Variants in RIMS2 observed in about 807,000 individuals in gnomAD.
RIMS2 encodes the protein regulating synaptic membrane exocytosis protein 2.
RIMS2 carries 59 observed loss-of-function variants against 174.4 expected under a neutral mutation model. The observed-to-expected ratio is 0.34, with a 90% CI of 0.27 to 0.42. The LOEUF is 0.42. RIMS2 is among the 10% of genes least tolerant of loss of function. The pLI, the probability that RIMS2 is intolerant of heterozygous loss-of-function variation, is 1.00. For missense variants in RIMS2, 1,620 were observed against 1,666.3 expected (o/e 0.97, Z 0.48); for synonymous variants, 606 against 572.5 (o/e 1.06, Z -0.84).
chr8:103,725,274 T>G (rs1443701444), intron 2 of RIMS2, among the ~76,000 whole-genome samples: 1 of 152,148 alleles, frequency 6.6e-6, no homozygotes, highest in African/African-American at 2.4e-5. Flanking sequence ...AGAATTTAAG[T>G]ATAGTTTGAC....
chr8:103,970,412 G>T (rs2092730219), intron 15 of RIMS2, among the ~76,000 whole-genome samples: 1 of 152,154 alleles, frequency 6.6e-6, no homozygotes, highest in African/African-American at 2.4e-5. Context: ...GAAAAGTAGG[G>T]CATTCTGGAG....
intron 19 of RIMS2, among the ~76,000 whole-genome samples, chr8:104,122,428 C>T (rs13268255): frequency 0.22 from 33,556 of 151,872 alleles, 3,848 homozygotes; most frequent in South Asian, 0.31. Context: ...TGATCTTATA[C>T]AAAGCAGTTC....
intron 19 of RIMS2, among the ~76,000 whole-genome samples, chr8:104,058,251 G>A (rs1227689238): frequency 6.7e-6 from 1 of 149,552 alleles, no homozygotes; most frequent in Non-Finnish European, 1.5e-5. Context: ...ACTTTTTAAT[G>A]ATTGCCATTC....
exon 6 of RIMS2, chr8:103,912,140 C>T (rs771772891): frequency 1.2e-6 from 2 of 1,606,890 alleles, no homozygotes; most frequent in Non-Finnish European, 8.5e-7. Context: ...TGGAAGTGTA[C>T]CTCGAGATTC....
At chr8:104,007,223 TG>T (rs1483448140) in intron 17 of RIMS2, among the ~76,000 whole-genome samples, 1 of 152,200 alleles carries the variant, frequency 6.6e-6, no homozygotes, top group Non-Finnish European at 1.5e-5. Context: ...TATTGTGATT[TG>T]TAATGTTTAT....
At chr8:103,870,792 G>T (rs569822554) in intron 3 of RIMS2, among the ~76,000 whole-genome samples, 1 of 151,872 alleles carries the variant, frequency 6.6e-6, no homozygotes, top group East Asian at 1.9e-4. Flanking sequence ...TTCCTACTTG[G>T]ATTATTGGAA....
chr8:103,864,326 C>T (rs1016765341), intron 3 of RIMS2, among the ~76,000 whole-genome samples: 6 of 152,010 alleles, frequency 3.9e-5, no homozygotes, highest in Non-Finnish European at 8.8e-5. Flanking sequence ...TGTACACTTT[C>T]CTCTTAACAT....
intron 3 of RIMS2, among the ~76,000 whole-genome samples, chr8:103,770,274 G>A (rs2154427311): frequency 6.6e-6 from 1 of 152,192 alleles, no homozygotes; most frequent in African/African-American, 2.4e-5. Flanking sequence ...GACCATATGG[G>A]TCTCAAAACT....
At chr8:104,234,347 A>G (rs2099247633) in intron 19 of RIMS2, among the ~76,000 whole-genome samples, 1 of 152,112 alleles carries the variant, frequency 6.6e-6, no homozygotes, top group African/African-American at 2.4e-5. Context: ...GATATTTCAC[A>G]TCCATTCTTG....
chr8:104,176,992 C>G (rs2098903628), intron 19 of RIMS2, among the ~76,000 whole-genome samples: 1 of 151,988 alleles, frequency 6.6e-6, no homozygotes, highest in African/African-American at 2.4e-5. Flanking sequence ...TACGGAAGGT[C>G]AGCAGACACG....
At chr8:104,169,334 AT>A (rs1488167287) in intron 19 of RIMS2, among the ~76,000 whole-genome samples, 8 of 40,548 alleles carry the variant, frequency 2.0e-4, no homozygotes, top group African/African-American at 1.0e-3. Context: ...ATATATATAT[AT>A]ATATAAAACA....
chr8:103,532,854 GAAACAAAA>G (rs1350409759), intron 1 of RIMS2, among the ~76,000 whole-genome samples: 1 of 151,326 alleles, frequency 6.6e-6, no homozygotes, highest in Admixed American at 6.6e-5. Flanking sequence ...TAAAAGAAGA[GAAACAAAA>G]AAACAAAAAA....
intron 3 of RIMS2, among the ~76,000 whole-genome samples, chr8:103,777,831 T>G (rs1232619548): frequency 6.6e-6 from 1 of 152,010 alleles, no homozygotes; most frequent in Non-Finnish European, 1.5e-5. Flanking sequence ...AAATCCACTC[T>G]TAAAAAGATA....
intron 1 of RIMS2, chr8:103,568,696 T>C (rs2092573305): frequency 2.7e-6 from 2 of 746,200 alleles, no homozygotes; most frequent in Non-Finnish European, 4.7e-6. Flanking sequence ...GCTTCATGGT[T>C]TTGTTCTTCT....
chr8:104,048,543 C>CAAAA (rs1290341167), intron 19 of RIMS2, among the ~76,000 whole-genome samples: 1 of 152,100 alleles, frequency 6.6e-6, no homozygotes, highest in Non-Finnish European at 1.5e-5. Context: ...TGTTCATAGA[C>CAAAA]TTTTGACTGT....
chr8:103,886,887 G>C (rs2099205954), intron 4 of RIMS2, among the ~76,000 whole-genome samples: 1 of 151,380 alleles, frequency 6.6e-6, no homozygotes, highest in Non-Finnish European at 1.5e-5. Context: ...TTTATTTGGG[G>C]CATTGCTGTG....
chr8:103,795,595 T>C (rs1554832607), intron 3 of RIMS2, among the ~76,000 whole-genome samples: 1 of 151,614 alleles, frequency 6.6e-6, no homozygotes. Context: ...TGATGAAAAA[T>C]AAGAAGTACA....
chr8:103,775,911 A>T (rs1291433999), intron 3 of RIMS2, among the ~76,000 whole-genome samples: 1 of 152,196 alleles, frequency 6.6e-6, no homozygotes, highest in Non-Finnish European at 1.5e-5. Flanking sequence ...ACTGAATTAA[A>T]CTTGAACCAT....
chr8:104,166,963 C>A (rs1256464323), intron 19 of RIMS2, among the ~76,000 whole-genome samples: 1 of 152,050 alleles, frequency 6.6e-6, no homozygotes, highest in African/African-American at 2.4e-5. Context: ...TATTTCATTC[C>A]GTTTTATGGC....
Sources: allele counts gnomAD v4.1 joint callset (sites outside exome capture counted in the v4.1 genomes callset), GRCh38; gene constraint gnomAD v4.1.1; transcripts MANE v1.5; gene names NCBI Gene and HGNC (gene_info 2026-07-23, HGNC 2026-07-21).